CRHR1: variants seen among roughly 807,000 people sequenced by gnomAD.
CRHR1 encodes the protein corticotropin releasing hormone receptor 1.
CRHR1 carries 28 observed loss-of-function variants against 56.0 expected under a neutral mutation model. The observed-to-expected ratio is 0.50, with a 90% CI of 0.37 to 0.69. The LOEUF (loss-of-function observed/expected upper bound fraction) is 0.69, where lower values mean the gene tolerates loss of function less well. CRHR1 is among the 30% of genes least tolerant of loss of function. CRHR1 has a pLI of 0.00. For missense variants in CRHR1, 376 were observed against 548.0 expected (o/e 0.69, Z 3.13); for synonymous variants, 195 against 216.5 (o/e 0.90, Z 0.87).
intron 2 of CRHR1, among the ~76,000 whole-genome samples, chr17:45,811,631 C>T (rs1043907936): frequency 9.9e-5 from 15 of 152,178 alleles, no homozygotes; most frequent in East Asian, 3.9e-4. Flanking sequence ...GTGATAGGAA[C>T]GTTGACACCT....
At chr17:45,817,816 G>A (rs898620083) in intron 3 of CRHR1, among the ~76,000 whole-genome samples, 2 of 152,218 alleles carry the variant, frequency 1.3e-5, no homozygotes, top group African/African-American at 4.8e-5. Context: ...AGGGGCTTGG[G>A]GGCCAAGGGG....
chr17:45,785,168 G>T (rs1026945290), intron 1 of CRHR1, among the ~76,000 whole-genome samples: 5 of 152,222 alleles, frequency 3.3e-5, no homozygotes, highest in African/African-American at 7.2e-5. Flanking sequence ...CCCCGACCGC[G>T]GCTGGGAGCG....
rs768267379 is a variant in CRHR1 at position 45,829,331 on chromosome 17, C to A, written c.434+10C>A. 6.2e-7 allele frequency: 1 copy of A among 1,605,920 alleles called. No homozygotes were observed. ...TCTTTCTGCGGCTCAGGTGAGAAGA[C>A]CCCAGCACTGCCTCCTCCTGTCCCC... is the stretch of plus-strand genomic sequence containing the variant. On this transcript the variant is annotated intron_variant, in intron 5 of 12. Transcript: ENST00000314537.
At chr17:45,833,658 G>C (rs2062369697) in intron 10 of CRHR1, 56 bp from the exon 11 acceptor site, 1 of 1,605,022 alleles carries the variant, frequency 6.2e-7, no homozygotes, top group East Asian at 2.2e-5. Context: ...GAGCCAGCGG[G>C]CAGCCCGTCC....
At chr17:45,816,722 G>A in intron 3 of CRHR1, 140 bp downstream of exon 3, 9 of 1,365,386 alleles carry the variant, frequency 6.6e-6, no homozygotes, top group Non-Finnish European at 8.9e-6. Flanking sequence ...CCAAAGGTCA[G>A]CGCTGTATTC....
chr17:45,790,774 A>G (rs1176890608), intron 1 of CRHR1, among the ~76,000 whole-genome samples: 1 of 152,158 alleles, frequency 6.6e-6, no homozygotes, highest in Admixed American at 6.5e-5. Flanking sequence ...TGGCTGCAGA[A>G]CCAGGGAGGC....
chr17:45,806,967 C>T, intron 1 of CRHR1, 43 bp from the exon 2 acceptor site: 1 of 1,573,884 alleles, frequency 6.4e-7, no homozygotes, highest in East Asian at 2.2e-5. Flanking sequence ...GCTCATGGCT[C>T]ATGGCACCTG....
chr17:45,801,073 G>C (rs1307239587), intron 1 of CRHR1, among the ~76,000 whole-genome samples: 1 of 152,174 alleles, frequency 6.6e-6, no homozygotes, highest in Non-Finnish European at 1.5e-5. Flanking sequence ...CTGGGAATTG[G>C]GATGGCAGCT....
chr17:45,808,584 A>G (rs1186035206), intron 2 of CRHR1, among the ~76,000 whole-genome samples: 2 of 152,222 alleles, frequency 1.3e-5, no homozygotes, highest in Admixed American at 6.5e-5. Context: ...TTATGGCAAT[A>G]TTTCACAAAC....
At chr17:45,810,142 G>GTTTATA (rs2061793532) in intron 2 of CRHR1, among the ~76,000 whole-genome samples, 1 of 152,036 alleles carries the variant, frequency 6.6e-6, no homozygotes, top group Non-Finnish European at 1.5e-5. Flanking sequence ...AAAATTAGCC[G>GTTTATA]GGCTTGGTGG....
intron 1 of CRHR1, among the ~76,000 whole-genome samples, chr17:45,801,351 T>C (rs2061618140): frequency 6.6e-6 from 1 of 152,204 alleles, no homozygotes; most frequent in Non-Finnish European, 1.5e-5. Flanking sequence ...AAAACAGTTA[T>C]GTGACATTGG....
rs1209705515 is a variant in CRHR1 at position 45,829,322 on chromosome 17, G to A, written c.434+1G>A. Reference sequence around the variant, plus strand: ...CCTTTGTCCTCTTTCTGCGGCTCAGGTGAGAAGACCCCAGCACTGCCTCCT... The same window carrying A: ...CCTTTGTCCTCTTTCTGCGGCTCAGATGAGAAGACCCCAGCACTGCCTCCT... On this transcript the variant is annotated splice_donor_variant, in intron 5 of 12. Transcript: ENST00000314537. LOFTEE classifies it high-confidence loss of function. 6.2e-7 allele frequency: 1 copy of A among 1,612,358 alleles called. No individual in the cohort carries two copies. Among genetic ancestry groups the A allele is most frequent in the East Asian group, 2.2e-5 (1 of 44,874 alleles).
chr17:45,831,491 C>T (rs1159952999), intron 8 of CRHR1, among the ~76,000 whole-genome samples: 1 of 152,192 alleles, frequency 6.6e-6, no homozygotes, highest in Non-Finnish European at 1.5e-5. Flanking sequence ...ATGAAATGGA[C>T]TCAGATGTTT....
intron 3 of CRHR1, among the ~76,000 whole-genome samples, chr17:45,819,475 C>T (rs1252468387): frequency 6.6e-6 from 1 of 150,604 alleles, no homozygotes; most frequent in Admixed American, 6.6e-5. Context: ...CCCTTCCAGC[C>T]GGATCTCTGT....
Position 45,801,639 on chromosome 17 carries a change from C to CCAGTTT in CRHR1, c.34-5368_34-5367insTTTCAG, listed in dbSNP as rs142141590. ...GCCAGTGAGTGAACCTCGTGCTCTG[C>CCAGTTT]CAGCTTCAGCTTCAGTGCCGTTTTG... is the stretch of plus-strand genomic sequence containing the variant. On this transcript the variant is annotated intron_variant, in intron 1 of 12. Coordinates refer to ENST00000314537, the MANE Select transcript of CRHR1 (RefSeq NM_004382.5). Among the ~76,000 whole-genome samples the CCAGTTT allele has an allele frequency of 1.0e-2, 1,521 of 152,286 alleles. 16 individuals are homozygous for CCAGTTT. Among genetic ancestry groups the CCAGTTT allele is most frequent in the African/African-American group, 0.033 (1,384 of 41,546 alleles).
intron 2 of CRHR1, among the ~76,000 whole-genome samples, chr17:45,814,369 C>T (rs1218482660): frequency 3.3e-5 from 5 of 152,210 alleles, no homozygotes; most frequent in African/African-American, 7.2e-5. Context: ...CCCCCTGTGA[C>T]TGACTCACAA....
chr17:45,831,976 C>T (rs1035307886), intron 8 of CRHR1, among the ~76,000 whole-genome samples: 1 of 152,050 alleles, frequency 6.6e-6, no homozygotes, highest in Non-Finnish European at 1.5e-5. Context: ...TGGCTGAGGC[C>T]TTGGGAAGCC....
At chr17:45,819,324 T>C (rs78074121) in intron 3 of CRHR1, among the ~76,000 whole-genome samples, 21,856 of 152,282 alleles carry the variant, frequency 0.14, 2,147 homozygotes, top group Middle Eastern at 0.22. Flanking sequence ...TTTCGGGATT[T>C]GCCCAAGGTC....
At chr17:45,829,053 G>T (rs1421323877) in intron 4 of CRHR1, 162 bp from the exon 5 acceptor site, 4 of 625,746 alleles carry the variant, frequency 6.4e-6, no homozygotes, top group Non-Finnish European at 1.1e-5. Flanking sequence ...AAACTGGACG[G>T]CGTTGCTCTG....
Sources: gnomAD v4.1 joint callset for allele counts (sites outside exome capture counted in the v4.1 genomes callset) on GRCh38, gnomAD v4.1.1 for gene constraint, MANE v1.5 for transcripts, NCBI Gene and HGNC (gene_info 2026-07-23, HGNC 2026-07-21) for gene names.